The following PRRT4 variants were observed in gnomAD, a reference collection of about 807,000 sequenced individuals.
PRRT4 encodes proline-rich transmembrane protein 4.
PRRT4 carries 59 observed loss-of-function variants against 55.6 expected under a neutral mutation model. The ratio of observed to expected loss-of-function variants is 1.06; its 90% confidence interval spans 0.86 to 1.32. The LOEUF (loss-of-function observed/expected upper bound fraction) is 1.32, where lower values mean the gene tolerates loss of function less well. Ranked by LOEUF, PRRT4 falls within the 40% of genes most tolerant of loss-of-function variation. The probability of loss-of-function intolerance (pLI) is 0.00; values close to 1 mark genes in which losing one functional copy is unlikely to be tolerated. For synonymous variants in PRRT4, 606 were observed against 601.8 expected (o/e 1.01, Z -0.10); for missense variants, 1,217 against 1,222.0 (o/e 1.00, Z 0.06).
Position 128,351,126 on chromosome 7 carries a change from CGA to C in PRRT4, c.2428_2429del (p.Ser810AlafsTer58). 1 of 1,547,926 alleles carries C rather than the reference CGA, an allele frequency of 6.5e-7. No individual in the cohort carries two copies. The highest frequency in any genetic ancestry group is 1.2e-5 in the South Asian group (1 of 84,048). Reference sequence around the variant, plus strand: ...ACAGCAGCATGGACGAGCTGTCCCGCGAGAGTCCGCAGAACGAGCCAGATGAG... The same window carrying C: ...ACAGCAGCATGGACGAGCTGTCCCGCGAGTCCGCAGAACGAGCCAGATGAG... On this transcript the variant is annotated frameshift_variant, in exon 5 of 5. Transcript: ENST00000535159. LOFTEE classifies it high-confidence loss of function.
rs879169809 is a variant in PRRT4 at position 128,358,128 on chromosome 7, G to A, written c.877+553C>T. 6.6e-6 allele frequency among the ~76,000 whole-genome samples: 1 copy of A among 152,186 alleles called. No individual in the cohort carries two copies. The highest frequency in any genetic ancestry group is 1.5e-5 in the Non-Finnish European group (1 of 68,036). On this transcript the variant is annotated intron_variant, in intron 4 of 4. Transcript: ENST00000535159. The surrounding 1 kb of genome is among the most constrained non-coding windows in gnomAD (Gnocchi z 4.4). ...TAAATAAATTGTGATTCAAAGCCAGGTCTCAAGATTCCCGAGCCTGTGGTC... is the reference window on the plus strand; with the variant it reads ...TAAATAAATTGTGATTCAAAGCCAGATCTCAAGATTCCCGAGCCTGTGGTC...
intron 4 of PRRT4, 100 bp from the exon 6 acceptor site, chr7:128,352,778 T>A: frequency 4.3e-6 from 5 of 1,176,174 alleles, no homozygotes; most frequent in Non-Finnish European, 5.8e-6. Flanking sequence ...CCCTACCGTA[T>A]CCAGGACACA....
rs546882474 is a variant in PRRT4, at chr7:128,359,511, C to A, written c.481G>T (p.Val161Leu). Residue 161 changes from valine (V) to leucine (L), a missense_variant, in exon 2 of 5, where the codon GTG becomes TTG. By Grantham distance (32) the Val-to-Leu change is conservative (BLOSUM62 1). This residue lies in a region of PRRT4 where 564 missense variants were observed against 592.9 expected (regional missense o/e 0.95). Coordinates refer to ENST00000535159, the Ensembl canonical transcript of PRRT4. ...GGAGCACTGGATGGAAGTGCTGTCA[C>A]CATCAGAGCAGTGTCCCAGGTCACA... 7.5e-6 allele frequency: 11 copies of A among 1,469,994 alleles called. No homozygotes were observed. The African/African-American group carries it at 1.4e-4, about 19-fold the overall frequency. The allele number at this position is 1,469,994 out of a possible 1,614,324, so 91.1% of individuals were successfully genotyped here. A position where few individuals can be genotyped will look rare whatever the true frequency, so the allele number is the denominator to read the frequency against.
exon 5 of PRRT4, chr7:128,350,943 G>T (rs1193445284): frequency 2.6e-6 from 4 of 1,550,924 alleles, no homozygotes; most frequent in Non-Finnish European, 3.5e-6. Context: ...AGGCCTCCTC[G>T]GCCTGCAGCT....
chr7:128,350,948 G>A lies in PRRT4; in HGVS notation c.2608C>T (p.Gln870Ter). The A allele has an allele frequency of 6.4e-7, 1 of 1,550,820 alleles. No homozygotes were observed. Among genetic ancestry groups the A allele is most frequent in the Non-Finnish European group, 8.7e-7 (1 of 1,146,954 alleles). The stretch of plus-strand genomic sequence containing the variant: ...TCCTGCAGCAAGGCCTCCTCGGCCT[G>A]CAGCTCAGAAGCAGGCTCTGGGGAG... Residue 870 changes from glutamine to a stop codon, truncating the protein, a stop_gained, in exon 5 of 5, where the codon CAG becomes TAG. Coordinates refer to ENST00000535159, the Ensembl canonical transcript of PRRT4. LOFTEE classifies it high-confidence loss of function.
chr7:128,352,268 C>T, exon 5 of PRRT4: 1 of 1,543,064 alleles, frequency 6.5e-7, no homozygotes, highest in Non-Finnish European at 8.7e-7. Flanking sequence ...CAGGCGAGCG[C>T]GGGCAGTCGA....
At chr7:128,353,235 G>T (rs1797039550) in intron 4 of PRRT4, among the ~76,000 whole-genome samples, 1 of 152,054 alleles carries the variant, frequency 6.6e-6, no homozygotes, top group South Asian at 2.1e-4. Context: ...GTCACAAATG[G>T]GCAGAGCTGC....
At chr7:128,359,021 C>T in intron 3 of PRRT4, 128 bp downstream of exon 4, 1 of 1,219,466 alleles carries the variant, frequency 8.2e-7, no homozygotes. Flanking sequence ...GAAGTAGTAG[C>T]CCATATCCTA....
At chr7:128,351,189 G>A in exon 5 of PRRT4, 3 of 1,542,804 alleles carry the variant, frequency 1.9e-6, no homozygotes, top group Non-Finnish European at 2.6e-6. Flanking sequence ...CAGGGGAGGG[G>A]AGCTCCGGGG....
exon 2 of PRRT4, chr7:128,359,530 G>A (rs1166715783): frequency 6.8e-7 from 1 of 1,481,432 alleles, no homozygotes; most frequent in East Asian, 2.5e-5. Context: ...CAGTGTCCCA[G>A]GTCACAGTGC....
At chr7:128,351,774 G>C (rs1454884593) in exon 5 of PRRT4, 1 of 1,436,322 alleles carries the variant, frequency 7.0e-7, no homozygotes, top group South Asian at 1.4e-5. Context: ...ACCAGGGCCA[G>C]GGCCCTTCCA....
exon 2 of PRRT4, chr7:128,359,966 A>G: frequency 7.4e-7 from 1 of 1,360,418 alleles, no homozygotes; most frequent in Non-Finnish European, 9.5e-7. Flanking sequence ...GAACAGTCCC[A>G]GCCCTAGACA....
chr7:128,359,178 C>T, exon 3 of PRRT4: 3 of 1,551,780 alleles, frequency 1.9e-6, no homozygotes, highest in Non-Finnish European at 2.6e-6. Context: ...AGAGGCAGAG[C>T]TTGTGGATGT....
Position 128,352,258 on chromosome 7 carries a change from C to T in PRRT4, c.1298G>A (p.Trp433Ter), listed in dbSNP as rs564343248. 24 of 1,542,548 alleles carry T rather than the reference C, an allele frequency of 1.6e-5. No homozygotes were observed. Among genetic ancestry groups the T allele is most frequent in the Non-Finnish European group, 2.0e-5 (23 of 1,146,082 alleles). The stretch of plus-strand genomic sequence containing the variant: ...CAGCGGAAGGTCCTGCAGCAGCAGC[C>T]AGGCGAGCGCGGGCAGTCGATCCCT... The change falls in exon 5 of 5, where the codon TGG becomes TAG. Residue 433 changes from tryptophan to a stop codon, truncating the protein, a stop_gained. Coordinates refer to ENST00000535159, the Ensembl canonical transcript of PRRT4. LOFTEE classifies it high-confidence loss of function.
At chr7:128,350,953 T>C in exon 5 of PRRT4, 1 of 1,550,618 alleles carries the variant, frequency 6.4e-7, no homozygotes, top group Non-Finnish European at 8.7e-7. Flanking sequence ...GGCCTGCAGC[T>C]CAGAAGCAGG....
At chr7:128,352,172 G>T (rs1796998621) in exon 5 of PRRT4, 1 of 1,400,184 alleles carries the variant, frequency 7.1e-7, no homozygotes, top group Non-Finnish European at 9.2e-7. Context: ...GTGGGGCACC[G>T]CGGCGGGCGC....
chr7:128,359,840 T>A, exon 2 of PRRT4: 1 of 1,513,194 alleles, frequency 6.6e-7, no homozygotes, highest in Non-Finnish European at 8.9e-7. Context: ...AAGTCCCAGG[T>A]TGAGAGACAG....
chr7:128,354,538 T>C (rs550552633), intron 4 of PRRT4, among the ~76,000 whole-genome samples: 2 of 151,340 alleles, frequency 1.3e-5, no homozygotes, highest in Admixed American at 1.3e-4. Context: ...CACTCCAGCC[T>C]GGGTGACAGA....
At chr7:128,354,167 GCCTGGCCCTGC>G (rs1187736358) in intron 4 of PRRT4, among the ~76,000 whole-genome samples, 1 of 152,170 alleles carries the variant, frequency 6.6e-6, no homozygotes, top group Non-Finnish European at 1.5e-5. Flanking sequence ...TCACCCAACT[GCCTGGCCCTGC>G]CCTGGCCATG....
Sources: allele counts gnomAD v4.1 joint callset (sites outside exome capture counted in the v4.1 genomes callset), GRCh38; gene constraint gnomAD v4.1.1; regional missense constraint gnomAD v4.1.1; non-coding constraint Gnocchi (gnomAD v3.1); transcripts MANE v1.5; gene names NCBI Gene and HGNC (gene_info 2026-07-23, HGNC 2026-07-21).